Variants in ITGAV observed in about 807,000 individuals in gnomAD.
ITGAV encodes the protein integrin subunit alpha V.
A neutral mutation model predicts 143.8 loss-of-function variants in ITGAV; 76 were observed. The observed-to-expected ratio is 0.53, with a 90% CI of 0.44 to 0.64. The LOEUF (loss-of-function observed/expected upper bound fraction) is 0.64, where lower values mean the gene tolerates loss of function less well. Among genes scored for constraint, ITGAV ranks in the 30% least tolerant of loss-of-function variants. ITGAV has a pLI of 0.00. For missense variants in ITGAV, 1,193 were observed against 1,274.7 expected, an observed-to-expected ratio of 0.94 and a Z score of 0.98; for synonymous variants, 453 against 446.7, an observed-to-expected ratio of 1.01 and a Z score of -0.18.
At chr2:186,662,709 T>C (rs1190572818) in intron 18 of ITGAV, among the ~76,000 whole-genome samples, 1 of 152,224 alleles carries the variant, frequency 6.6e-6, no homozygotes, top group Admixed American at 6.5e-5. Flanking sequence ...AGAAACAGAA[T>C]GCAAAATATT....
intron 18 of ITGAV, among the ~76,000 whole-genome samples, chr2:186,661,863 G>A (rs1038894642): frequency 6.6e-6 from 1 of 152,016 alleles, no homozygotes; most frequent in Non-Finnish European, 1.5e-5. Flanking sequence ...CCAAAGTGCT[G>A]AGATTACAGG....
chr2:186,658,130 C>T (rs1254214644), intron 17 of ITGAV, among the ~76,000 whole-genome samples: 1 of 151,886 alleles, frequency 6.6e-6, no homozygotes, highest in Non-Finnish European at 1.5e-5. Context: ...GATACATAAA[C>T]CAAGTTGGAT....
chr2:186,676,030 A>C, intron 28 of ITGAV, 103 bp downstream of exon 28: 1 of 663,952 alleles, frequency 1.5e-6, no homozygotes, highest in East Asian at 2.7e-5. Flanking sequence ...TTTTTTGATA[A>C]TTTAAACTAA....
At chr2:186,665,303 T>G (rs1688859626) in intron 21 of ITGAV, 85 bp downstream of exon 21, 1 of 840,056 alleles carries the variant, frequency 1.2e-6, no homozygotes, top group Admixed American at 2.1e-5. Context: ...TTTTTAAAAA[T>G]AAACACTTCA....
chr2:186,678,246 T>A lies in ITGAV; in HGVS notation c.*954T>A, dbSNP rs193248457. ...CATTCTTAGAGTAGAGCAGAGTTTT[T>A]AGTTAGTATTAATTTATTTTCCTCC... On this transcript the variant is annotated 3_prime_UTR_variant, in exon 30 of 30. Coordinates refer to ENST00000261023, the MANE Select transcript of ITGAV (RefSeq NM_002210.5). 3 of 153,142 alleles carry A rather than the reference T, an allele frequency of 2.0e-5. No homozygotes were observed. Among genetic ancestry groups the A allele is most frequent in the Admixed American group, 6.5e-5 (1 of 15,400 alleles). 9.5% of individuals were successfully genotyped at this position (153,142 alleles called of 1,614,324 possible). A position where few individuals can be genotyped will look rare whatever the true frequency, so the allele number is the denominator to read the frequency against.
intron 16 of ITGAV, among the ~76,000 whole-genome samples, chr2:186,655,312 G>T (rs563219441): frequency 6.6e-6 from 1 of 152,130 alleles, no homozygotes; most frequent in Non-Finnish European, 1.5e-5. Flanking sequence ...GAAACTGTTG[G>T]GTGTGTGTTT....
intron 12 of ITGAV, among the ~76,000 whole-genome samples, chr2:186,646,399 C>T (rs1049205862): frequency 6.6e-6 from 1 of 152,178 alleles, no homozygotes; most frequent in Non-Finnish European, 1.5e-5. Flanking sequence ...GCCAGATTAT[C>T]TGGCCCTAAA....
chr2:186,595,462 C>G (rs757585735), intron 1 of ITGAV, among the ~76,000 whole-genome samples: 7 of 152,194 alleles, frequency 4.6e-5, no homozygotes, highest in Non-Finnish European at 8.8e-5. Context: ...CTCCCTCTCA[C>G]TGCCTCCTCT....
At chr2:186,644,731 C>T (rs563773607) in intron 12 of ITGAV, among the ~76,000 whole-genome samples, 43 of 152,080 alleles carry the variant, frequency 2.8e-4, no homozygotes, top group Non-Finnish European at 4.4e-4. Context: ...GCAGGCCAGG[C>T]ACTCTTCTAG....
At position 186,656,392 on chromosome 2, in the gene ITGAV, G is replaced by T; in HGVS notation, c.1710G>T (p.Ala570=). ...GGLMQCEELI[A]YLRDESEFRD... ...TGATGCAGTGTGAGGAATTGATAGC[G>T]TATCTGCGGGTAAGAGCTAACTTTT... The change falls in exon 17 of 30, where the codon GCG becomes GCT. Residue 570 remains alanine, a synonymous_variant. Coordinates refer to ENST00000261023, the MANE Select transcript of ITGAV (RefSeq NM_002210.5). The T allele has an allele frequency of 1.3e-6, 2 of 1,482,750 alleles. No individual in the cohort carries two copies. Among genetic ancestry groups the T allele is most frequent in the Non-Finnish European group, 1.8e-6 (2 of 1,121,382 alleles). 91.8% of individuals were successfully genotyped at this position (1,482,750 alleles called of 1,614,324 possible).
At chr2:186,645,873 A>T (rs1284099457) in intron 12 of ITGAV, among the ~76,000 whole-genome samples, 1 of 152,014 alleles carries the variant, frequency 6.6e-6, no homozygotes, top group Non-Finnish European at 1.5e-5. Context: ...TCGGGAGGCT[A>T]AGGCAGGAGA....
intron 4 of ITGAV, among the ~76,000 whole-genome samples, chr2:186,628,203 A>T (rs1164811392): frequency 2.6e-5 from 4 of 152,216 alleles, no homozygotes; most frequent in Non-Finnish European, 4.4e-5. Flanking sequence ...ATGCAAACGA[A>T]TAATTGGTTT....
chr2:186,660,777 C>T (rs1054635450), intron 18 of ITGAV, among the ~76,000 whole-genome samples: 1 of 152,118 alleles, frequency 6.6e-6, no homozygotes, highest in African/African-American at 2.4e-5. Context: ...AATTGATTCT[C>T]TCCTAATTTT....
intron 28 of ITGAV, 21 bp from the exon 29 acceptor site, chr2:186,676,792 A>G (rs1242718229): frequency 6.2e-7 from 1 of 1,606,772 alleles, no homozygotes; most frequent in African/African-American, 1.3e-5. Context: ...TTTTAAAACT[A>G]AAAGCTTTTT....
intron 12 of ITGAV, among the ~76,000 whole-genome samples, chr2:186,641,971 T>C (rs1286482750): frequency 1.3e-5 from 2 of 152,176 alleles, no homozygotes; most frequent in African/African-American, 4.8e-5. Flanking sequence ...TCCAGGCACA[T>C]TGTCAAGGCA....
chr2:186,639,023 C>T (rs1013473945), intron 10 of ITGAV, among the ~76,000 whole-genome samples: 1 of 150,984 alleles, frequency 6.6e-6, no homozygotes, highest in Non-Finnish European at 1.5e-5. Flanking sequence ...ATGATCAATG[C>T]CTTATAATTT....
chr2:186,644,198 C>T (rs909314540), intron 12 of ITGAV, among the ~76,000 whole-genome samples: 1 of 152,178 alleles, frequency 6.6e-6, no homozygotes, highest in African/African-American at 2.4e-5. Flanking sequence ...CCTGCCTCGG[C>T]CTCCAAAGGT....
At chr2:186,620,828 A>G (rs927511262) in intron 2 of ITGAV, among the ~76,000 whole-genome samples, 1 of 152,304 alleles carries the variant, frequency 6.6e-6, no homozygotes, top group Non-Finnish European at 1.5e-5. Context: ...ACTACACAAC[A>G]ATGAAAATGA....
rs750013127 is a variant in ITGAV at position 186,677,639 on chromosome 2, TTTGTTGTTG to T, written c.*371_*379del. The T allele has an allele frequency of 2.6e-4, 49 of 189,230 alleles. No homozygotes were observed. Among genetic ancestry groups the T allele is most frequent in the African/African-American group, 7.4e-4 (31 of 41,918 alleles). The allele number at this position is 189,230 out of a possible 1,614,324, so 11.7% of individuals were successfully genotyped here. On this transcript the variant is annotated 3_prime_UTR_variant, in exon 30 of 30. Transcript: ENST00000261023. Reference sequence around the variant, plus strand: ...TTCTGATTTAATGTACGGAACTTTATTTGTTGTTGTTGTTGTTGTTGTTGTTGTTGTTTT... The same window carrying T: ...TTCTGATTTAATGTACGGAACTTTATTTGTTGTTGTTGTTGTTGTTGTTTT...
Sources: gnomAD v4.1 joint callset for allele counts (sites outside exome capture counted in the v4.1 genomes callset) on GRCh38, gnomAD v4.1.1 for gene constraint, MANE v1.5 for transcripts, NCBI Gene and HGNC (gene_info 2026-07-23, HGNC 2026-07-21) for gene names.